TYR: variants seen among roughly 807,000 people sequenced by gnomAD.
TYR encodes LB24-AB.
TYR carries 58 observed loss-of-function variants against 51.5 expected under a neutral mutation model. That is an observed-to-expected ratio of 1.13 (90% CI 0.91 to 1.40). The LOEUF (loss-of-function observed/expected upper bound fraction) is 1.40, where lower values mean the gene tolerates loss of function less well. TYR is among the 40% of genes most tolerant of loss of function. The pLI is 0.00. For missense variants in TYR, 732 were observed against 647.4 expected, an observed-to-expected ratio of 1.13 and a Z score of -1.42; for synonymous variants, 263 against 235.2, an observed-to-expected ratio of 1.12 and a Z score of -1.08.
At chr11:89,270,450 A>G (rs1289304050) in intron 3 of TYR, among the ~76,000 whole-genome samples, 4 of 151,852 alleles carry the variant, frequency 2.6e-5, no homozygotes, top group East Asian at 2.0e-4. Flanking sequence ...ATTATTGACC[A>G]GATTTTAGCT....
chr11:89,182,948 C>T (rs1943321071), intron 1 of TYR, among the ~76,000 whole-genome samples: 1 of 152,060 alleles, frequency 6.6e-6, no homozygotes, highest in African/African-American at 2.4e-5. Flanking sequence ...AAGCACATCA[C>T]ATGGAAGCAA....
At chr11:89,281,433 G>A (rs943733580) in intron 3 of TYR, among the ~76,000 whole-genome samples, 1 of 151,782 alleles carries the variant, frequency 6.6e-6, no homozygotes, top group East Asian at 2.0e-4. Context: ...GTTCCTGGAG[G>A]TAAAGCCCCA....
Position 89,221,336 on chromosome 11 carries a change from T to C in TYR, c.1037-6487T>C, listed in dbSNP as rs184763655. Among the ~76,000 whole-genome samples the C allele has an allele frequency of 3.8e-4, 58 of 152,330 alleles. 1 individual carries two copies. The East Asian group carries it at 0.01, about 26-fold the overall frequency. On this transcript the variant is annotated intron_variant, in intron 2 of 4. Coordinates refer to ENST00000263321, the MANE Select transcript of TYR (RefSeq NM_000372.5). ...AACACTCATGCACCACTTCATTTGC[T>C]TCGTTACTCTATTCCTCATAATCAA... is the stretch of plus-strand genomic sequence containing the variant.
chr11:89,195,485 C>A (rs1238435301), intron 2 of TYR, among the ~76,000 whole-genome samples: 3 of 152,038 alleles, frequency 2.0e-5, no homozygotes, highest in Non-Finnish European at 2.9e-5. Context: ...TTGAGACCAG[C>A]CTGGCCAACA....
intron 2 of TYR, among the ~76,000 whole-genome samples, chr11:89,198,214 G>GCAA (rs968192299): frequency 2.0e-5 from 3 of 150,028 alleles, no homozygotes; most frequent in South Asian, 2.1e-4. Flanking sequence ...CTTAGTTCAT[G>GCAA]CAACAACAAC....
intron 3 of TYR, among the ~76,000 whole-genome samples, chr11:89,267,905 C>G (rs189965529): frequency 9.3e-4 from 141 of 152,062 alleles, no homozygotes; most frequent in South Asian, 2.3e-3. Context: ...ATTCCTACTG[C>G]TCCATTTACT....
At chr11:89,199,674 T>C (rs1459004124) in intron 2 of TYR, among the ~76,000 whole-genome samples, 1 of 152,244 alleles carries the variant, frequency 6.6e-6, no homozygotes, top group African/African-American at 2.4e-5. Flanking sequence ...ATCTAGCTCC[T>C]ATTACATACA....
chr11:89,217,333 C>T (rs1203584898), intron 2 of TYR, among the ~76,000 whole-genome samples: 1 of 152,176 alleles, frequency 6.6e-6, no homozygotes, highest in Admixed American at 6.6e-5. Flanking sequence ...GAATTTCTTG[C>T]TCATCCAAAA....
chr11:89,285,045 A>G lies in TYR; in HGVS notation c.1366+91A>G, dbSNP rs954657481. ...CAAAACTTTATGCTTCGACAATGTT[A>G]TTCCTGAACACTTTAAATCCTGAAA... On this transcript the variant is annotated intron_variant, in intron 4 of 4. Transcript: ENST00000263321. 56 of 1,072,896 alleles carry G rather than the reference A, an allele frequency of 5.2e-5. 2 individuals carry two copies. The highest frequency in any genetic ancestry group is 2.9e-6 in the Non-Finnish European group (2 of 698,244). 66.5% of individuals were successfully genotyped at this position (1,072,896 alleles called of 1,614,324 possible). A position where few individuals can be genotyped will look rare whatever the true frequency, so the allele number is the denominator to read the frequency against.
chr11:89,189,362 A>G (rs550960132), intron 1 of TYR, among the ~76,000 whole-genome samples: 1 of 152,164 alleles, frequency 6.6e-6, no homozygotes, highest in East Asian at 1.9e-4. Context: ...GTATTTCTAC[A>G]ATGAAAATCA....
intron 4 of TYR, among the ~76,000 whole-genome samples, chr11:89,288,391 T>C (rs191545337): frequency 3.8e-4 from 58 of 152,100 alleles, no homozygotes; most frequent in African/African-American, 1.3e-3. Flanking sequence ...CTTTAACCCC[T>C]ACATTGTCTT....
chr11:89,210,789 C>T (rs1943744243), intron 2 of TYR, among the ~76,000 whole-genome samples: 1 of 152,166 alleles, frequency 6.6e-6, no homozygotes. Flanking sequence ...CCCTATAAGC[C>T]ATAGGAGAGT....
intron 3 of TYR, among the ~76,000 whole-genome samples, chr11:89,253,747 G>T (rs1386062586): frequency 1.3e-5 from 2 of 151,402 alleles, no homozygotes; most frequent in Non-Finnish European, 3.0e-5. Context: ...GGTTTTTCTA[G>T]GTATATGATC....
Position 89,289,761 on chromosome 11 carries a change from G to A in TYR, c.1366+4807G>A, listed in dbSNP as rs1276749416. ...TAAATAGATATAATTATAATAAATG[G>A]ACGTTTGTGCCAAATGTCACAAGGC... is the stretch of plus-strand genomic sequence containing the variant. On this transcript the variant is annotated intron_variant, in intron 4 of 4. Coordinates refer to ENST00000263321, the MANE Select transcript of TYR (RefSeq NM_000372.5). Among the ~76,000 whole-genome samples, 3 of 151,982 alleles carry A rather than the reference G, an allele frequency of 2.0e-5. No individual in the cohort carries two copies. In the East Asian group the frequency reaches 5.8e-4, roughly 29 times the overall value.
chr11:89,212,143 A>G (rs897625295), intron 2 of TYR, among the ~76,000 whole-genome samples: 1 of 152,226 alleles, frequency 6.6e-6, no homozygotes, highest in Non-Finnish European at 1.5e-5. Context: ...AAAAAAATCA[A>G]TGAATCCACG....
At chr11:89,231,014 T>C (rs975748006) in intron 3 of TYR, among the ~76,000 whole-genome samples, 4 of 150,536 alleles carry the variant, frequency 2.7e-5, no homozygotes, top group African/African-American at 9.8e-5. Context: ...CTACTAAAAA[T>C]AGAAAAATTA....
At chr11:89,217,802 G>T (rs1943851598) in intron 2 of TYR, among the ~76,000 whole-genome samples, 1 of 152,166 alleles carries the variant, frequency 6.6e-6, no homozygotes, top group East Asian at 1.9e-4. Context: ...ACCATTGCTT[G>T]CTGCCCTACT....
At chr11:89,196,483 G>A (rs1943520896) in intron 2 of TYR, among the ~76,000 whole-genome samples, 3 of 152,172 alleles carry the variant, frequency 2.0e-5, no homozygotes, top group Admixed American at 2.0e-4. Flanking sequence ...CCAATTCTGA[G>A]CACAGTGGCT....
At chr11:89,195,701 AT>A (rs1293285803) in intron 2 of TYR, among the ~76,000 whole-genome samples, 2 of 151,946 alleles carry the variant, frequency 1.3e-5, no homozygotes, top group African/African-American at 4.8e-5. Flanking sequence ...TAAAAATAAA[AT>A]AAAAACCTCA....
Sources: gnomAD v4.1 joint callset for allele counts (sites outside exome capture counted in the v4.1 genomes callset) on GRCh38, gnomAD v4.1.1 for gene constraint, MANE v1.5 for transcripts, NCBI Gene and HGNC (gene_info 2026-07-23, HGNC 2026-07-21) for gene names.